Variants in ABLIM2 observed in about 807,000 individuals in gnomAD.
The protein encoded by ABLIM2 is actin-binding LIM protein 2.
A neutral mutation model predicts 97.7 loss-of-function variants in ABLIM2; 53 were observed. The observed-to-expected ratio is 0.54, with a 90% CI of 0.44 to 0.68. The LOEUF (loss-of-function observed/expected upper bound fraction) is 0.68. Ranked by LOEUF, ABLIM2 falls within the 30% of genes least tolerant of loss-of-function variation. The pLI, the probability that ABLIM2 is intolerant of heterozygous loss-of-function variation, is 0.00. For missense variants in ABLIM2, 835 were observed against 867.2 expected, an observed-to-expected ratio of 0.96 and a Z score of 0.47; for synonymous variants, 361 against 345.8, an observed-to-expected ratio of 1.04 and a Z score of -0.49.
intron 20 of ABLIM2, among the ~76,000 whole-genome samples, chr4:7,979,706 C>T (rs908540560): frequency 2.6e-5 from 4 of 152,186 alleles, no homozygotes; most frequent in Non-Finnish European, 5.9e-5. Flanking sequence ...TCCTCTCTCC[C>T]GGTTATCTAA....
rs1300530779 is a variant in ABLIM2, at chr4:8,002,860, T to C, written c.1618+5199A>G. On this transcript the variant is annotated intron_variant, in intron 16 of 20. Coordinates refer to ENST00000447017, the MANE Select transcript of ABLIM2 (RefSeq NM_001130083.2). This position sits in a 1 kb window ranked among gnomAD's most constrained non-coding sequence, Gnocchi z 6.1. Reference sequence around the variant, plus strand: ...CCCCCATATACCGGCCCTATTCAAGTGTACACCCACTTCAAGCCGTGCCAG... The same window carrying C: ...CCCCCATATACCGGCCCTATTCAAGCGTACACCCACTTCAAGCCGTGCCAG... 3.3e-5 allele frequency among the ~76,000 whole-genome samples: 5 copies of C among 152,180 alleles called. No homozygotes were observed. Among genetic ancestry groups the C allele is most frequent in the Non-Finnish European group, 7.3e-5 (5 of 68,046 alleles).
Position 8,027,759 on chromosome 4 carries a change from C to G in ABLIM2, c.1267G>C (p.Gly423Arg). Residue 423 changes from glycine to arginine, a missense_variant and splice_region_variant, in exon 12 of 21, where the codon GGC (glycine) becomes CGC (arginine). Coordinates refer to ENST00000447017, the MANE Select transcript of ABLIM2 (RefSeq NM_001130083.2). ...FRHHYIPYFR[G>R]SESGRSTPSL... ...CAGCCCACATCACTGCGTGCCTTAC[C>G]TCGGAAGTAGGGGATGTAATGATGT... The G allele has an allele frequency of 6.3e-7, 1 of 1,579,254 alleles. No individual in the cohort carries two copies. Among genetic ancestry groups the G allele is most frequent in the South Asian group, 1.2e-5 (1 of 85,942 alleles).
At chr4:8,040,769 G>C (rs375471317) in intron 9 of ABLIM2, among the ~76,000 whole-genome samples, 2 of 152,194 alleles carry the variant, frequency 1.3e-5, no homozygotes, top group East Asian at 1.9e-4. Flanking sequence ...AGGGCTGTTC[G>C]GGCTTCTGGC....
chr4:8,020,280 G>T lies in ABLIM2; in HGVS notation c.1291C>A (p.Pro431Thr), dbSNP rs781362001. 3 of 1,613,686 alleles carry T rather than the reference G, an allele frequency of 1.9e-6. No individual in the cohort carries two copies. The highest frequency in any genetic ancestry group is 1.7e-6 in the Non-Finnish European group (2 of 1,179,868). Residue 431 changes from proline to threonine, a missense_variant, in exon 13 of 21, where the codon CCC becomes ACC. Transcript: ENST00000447017. ...CTGTCAGAGAGCACGGAGAGGCTGG[G>T]GGTGCTCCGGCCACTTTCACTGCCT... ...FRGSESGRST[P>T]SLSVLSDSKP...
chr4:8,045,361 TG>T, intron 8 of ABLIM2, 120 bp from the exon 9 acceptor site: 1 of 981,006 alleles, frequency 1.0e-6, no homozygotes, highest in Non-Finnish European at 1.6e-6. Context: ...TCTTTAAAGT[TG>T]GGGCTGGGCC....
chr4:7,980,148 C>A (rs11728588), intron 20 of ABLIM2, among the ~76,000 whole-genome samples: 42,570 of 151,952 alleles, frequency 0.28, 6,312 homozygotes, highest in Middle Eastern at 0.34. Flanking sequence ...ATGAACCCCC[C>A]CTCTCTGCCA....
Position 8,131,014 on chromosome 4 carries a change from T to A in ABLIM2, c.11-24377A>T, listed in dbSNP as rs1227181559. Among the ~76,000 whole-genome samples, 3 of 152,164 alleles carry A rather than the reference T, an allele frequency of 2.0e-5. No individual in the cohort carries two copies. In the East Asian group the frequency reaches 5.8e-4, roughly 29 times the overall value. ...CATTTCCTGGTGATGGCAGCATCAC[T>A]CCAGCCTCTGGCTCTGTGGTCACCC... On this transcript the variant is annotated intron_variant, in intron 1 of 20. Transcript: ENST00000447017.
intron 3 of ABLIM2, among the ~76,000 whole-genome samples, chr4:8,089,537 C>A (rs1297073319): frequency 6.6e-6 from 1 of 151,954 alleles, no homozygotes; most frequent in African/African-American, 2.4e-5. Context: ...GAGTTTGAGA[C>A]CAGCCTGGCC....
chr4:8,153,940 G>C (rs1714070342), intron 1 of ABLIM2, among the ~76,000 whole-genome samples: 1 of 146,174 alleles, frequency 6.8e-6, no homozygotes, highest in South Asian at 2.2e-4. Context: ...GTCCTGAGCT[G>C]TTTTCTAAAT....
chr4:8,149,192 C>G lies in ABLIM2; in HGVS notation c.10+9488G>C, dbSNP rs865983256. Among the ~76,000 whole-genome samples, 1 of 152,240 alleles carries G rather than the reference C, an allele frequency of 6.6e-6. No individual in the cohort carries two copies. The highest frequency in any genetic ancestry group is 6.5e-5 in the Admixed American group (1 of 15,284). On this transcript the variant is annotated intron_variant, in intron 1 of 20. Transcript: ENST00000447017. This position sits in a 1 kb window ranked among gnomAD's most constrained non-coding sequence, Gnocchi z 6.4. Reference sequence around the variant, plus strand: ...CTCAGAGCCAGGCGTGGAGACTTCTCTCTCCTCTCTGCTGCCTCCTGCCTC... The same window carrying G: ...CTCAGAGCCAGGCGTGGAGACTTCTGTCTCCTCTCTGCTGCCTCCTGCCTC...
Position 8,068,186 on chromosome 4 carries a change from C to T in ABLIM2, c.676-7132G>A, listed in dbSNP as rs1047922574. Among the ~76,000 whole-genome samples, 2 of 152,196 alleles carry T rather than the reference C, an allele frequency of 1.3e-5. No homozygotes were observed. Among genetic ancestry groups the T allele is most frequent in the African/African-American group, 4.8e-5 (2 of 41,458 alleles). On this transcript the variant is annotated intron_variant, in intron 6 of 20. Transcript: ENST00000447017. The surrounding 1 kb of genome is among the most constrained non-coding windows in gnomAD (Gnocchi z 4.5). Reference sequence around the variant, plus strand: ...TCCAGTGGGCGCACGGCTCCCCAGGCAGGCGGAAGTCCCACCCTCGCCCGC... The same window carrying T: ...TCCAGTGGGCGCACGGCTCCCCAGGTAGGCGGAAGTCCCACCCTCGCCCGC...
At position 8,032,599 on chromosome 4, in the gene ABLIM2, A is replaced by G; in HGVS notation, c.1048-2823T>C. ...GGCTGGGTGGTTATGTTTATAACCC[A>G]GGCAGCAGCGCCACGGCAAGCGGGG... is the stretch of plus-strand genomic sequence containing the variant. On this transcript the variant is annotated intron_variant, in intron 10 of 20. Coordinates refer to ENST00000447017, the MANE Select transcript of ABLIM2 (RefSeq NM_001130083.2). The surrounding 1 kb of genome is among the most constrained non-coding windows in gnomAD (Gnocchi z 4.3). 6.2e-7 allele frequency: 1 copy of G among 1,611,212 alleles called. No individual in the cohort carries two copies.
At chr4:8,030,486 A>T (rs1456938785) in intron 10 of ABLIM2, among the ~76,000 whole-genome samples, 1 of 152,160 alleles carries the variant, frequency 6.6e-6, no homozygotes, top group African/African-American at 2.4e-5. Context: ...AGGCCAGCAC[A>T]GTGATGAGCA....
chr4:8,144,823 G>A (rs1049937652), intron 1 of ABLIM2, among the ~76,000 whole-genome samples: 2 of 152,350 alleles, frequency 1.3e-5, no homozygotes, highest in East Asian at 1.9e-4. Context: ...ATCAAGAAGC[G>A]TGAGCTCTTT....
intron 1 of ABLIM2, among the ~76,000 whole-genome samples, chr4:8,146,524 T>C (rs1360767905): frequency 1.3e-5 from 2 of 152,236 alleles, no homozygotes; most frequent in African/African-American, 4.8e-5. Flanking sequence ...ACATTTTTTA[T>C]TTTTCAATTT....
intron 3 of ABLIM2, among the ~76,000 whole-genome samples, chr4:8,089,347 C>T (rs771773058): frequency 1.1e-4 from 17 of 152,310 alleles, no homozygotes; most frequent in African/African-American, 3.4e-4. Flanking sequence ...CAGCAGCCAC[C>T]GGGCCACTTT....
chr4:8,108,713 T>C (rs1467258176), intron 1 of ABLIM2, among the ~76,000 whole-genome samples: 4 of 152,222 alleles, frequency 2.6e-5, no homozygotes, highest in Non-Finnish European at 4.4e-5. Context: ...ACAGCCTCCA[T>C]GGGGGCTCAC....
chr4:7,976,937 C>T (rs910653748), intron 20 of ABLIM2, among the ~76,000 whole-genome samples: 3 of 151,722 alleles, frequency 2.0e-5, no homozygotes, highest in Non-Finnish European at 2.9e-5. Context: ...ACACACATAT[C>T]CACATACATA....
intron 6 of ABLIM2, among the ~76,000 whole-genome samples, chr4:8,077,314 C>G (rs1372463620): frequency 3.3e-5 from 5 of 152,322 alleles, no homozygotes; most frequent in African/African-American, 1.2e-4. Flanking sequence ...TCTCTTCCAT[C>G]TTCCGTGCCT....
Sources: allele counts gnomAD v4.1 joint callset (sites outside exome capture counted in the v4.1 genomes callset), GRCh38; gene constraint gnomAD v4.1.1; non-coding constraint Gnocchi (gnomAD v3.1); transcripts MANE v1.5; gene names NCBI Gene and HGNC (gene_info 2026-07-23, HGNC 2026-07-21).